The following CTNNA3 variants were observed in gnomAD, a reference collection of about 807,000 sequenced individuals.
CTNNA3 encodes catenin alpha-3.
In CTNNA3, 76 loss-of-function variants were observed where a neutral mutation model predicts 95.7. The ratio of observed to expected loss-of-function variants is 0.79; its 90% CI spans 0.66 to 0.96. CTNNA3 has a LOEUF of 0.96. CTNNA3 is among the 40% of genes least tolerant of loss of function. The pLI is 0.00. For synonymous variants in CTNNA3, 431 were observed against 374.4 expected (o/e 1.15, Z -1.74); for missense variants, 1,191 against 1,089.8 (o/e 1.09, Z -1.31).
In CTNNA3 at chr10:66,699,140, C is replaced by T. The variant is rs184313673; in HGVS notation, c.1281+67124G>A. Among the ~76,000 whole-genome samples the T allele has an allele frequency of 2.9e-3, 446 of 152,236 alleles. 5 individuals are homozygous for T. The highest frequency in any genetic ancestry group is 9.9e-3 in the African/African-American group (411 of 41,536). On this transcript the variant is annotated intron_variant, in intron 9 of 17. Transcript: ENST00000433211. ...ACTGGAACAGACATTTAGGTTGATT[C>T]CATATCTTGTATATTGTGGCTAAGG...
In CTNNA3 at chr10:67,459,253, T is replaced by C. The variant is rs190902181; in HGVS notation, c.579+62589A>G. Among the ~76,000 whole-genome samples the C allele has an allele frequency of 7.9e-5, 12 of 152,286 alleles. No homozygotes were observed. In the East Asian group the frequency reaches 2.1e-3, roughly 27 times the overall value. On this transcript the variant is annotated intron_variant, in intron 5 of 17. Coordinates refer to ENST00000433211, the MANE Select transcript of CTNNA3 (RefSeq NM_013266.4). ...AGTATGAGTGTAGAAGAAATGACAA[T>C]GATCTACAGTGCAACTTCTCATGTA... is the stretch of plus-strand genomic sequence containing the variant.
intron 9 of CTNNA3, among the ~76,000 whole-genome samples, chr10:66,724,252 T>C (rs967578965): frequency 6.6e-6 from 1 of 152,222 alleles, no homozygotes; most frequent in African/African-American, 2.4e-5. Flanking sequence ...TTCATGCTTT[T>C]TAATCAATTG....
At chr10:67,748,081 A>G (rs1016868751) in intron 1 of CTNNA3, among the ~76,000 whole-genome samples, 2 of 152,074 alleles carry the variant, frequency 1.3e-5, no homozygotes, top group African/African-American at 4.8e-5. Context: ...AACAAATAAA[A>G]CCTCTGAGAA....
chr10:66,042,229 G>A lies in CTNNA3; in HGVS notation c.2159+27079C>T, dbSNP rs374067152. Among the ~76,000 whole-genome samples, 3 of 152,062 alleles carry A rather than the reference G, an allele frequency of 2.0e-5. No individual in the cohort carries two copies. The South Asian group carries it at 6.2e-4, about 32-fold the overall frequency. ...CTCAACCCATTTCACATTCTCCAGGGCTTCTATAAAACTGCAGGTTTATTT... is the reference window on the plus strand; with the variant it reads ...CTCAACCCATTTCACATTCTCCAGGACTTCTATAAAACTGCAGGTTTATTT... On this transcript the variant is annotated intron_variant, in intron 15 of 17. Transcript: ENST00000433211.
chr10:67,108,942 T>TA (rs1292478560), intron 7 of CTNNA3, among the ~76,000 whole-genome samples: 24 of 152,186 alleles, frequency 1.6e-4, no homozygotes, highest in African/African-American at 5.8e-4. Flanking sequence ...CCATGATAAA[T>TA]AAAAAATATG....
intron 9 of CTNNA3, among the ~76,000 whole-genome samples, chr10:66,666,845 A>G (rs1263620791): frequency 6.6e-6 from 1 of 152,112 alleles, no homozygotes; most frequent in Non-Finnish European, 1.5e-5. Context: ...CATATAATGT[A>G]CATAAAGTAC....
intron 3 of CTNNA3, among the ~76,000 whole-genome samples, chr10:67,570,209 T>C (rs1019999214): frequency 3.3e-5 from 5 of 152,072 alleles, no homozygotes; most frequent in Admixed American, 6.6e-5. Context: ...TAGAATATTA[T>C]ATATGAAATT....
At chr10:66,200,426 G>A (rs897908504) in intron 13 of CTNNA3, among the ~76,000 whole-genome samples, 1 of 152,112 alleles carries the variant, frequency 6.6e-6, no homozygotes, top group African/African-American at 2.4e-5. Flanking sequence ...TTACCTGACC[G>A]CCAGTTCTTG....
intron 7 of CTNNA3, among the ~76,000 whole-genome samples, chr10:67,045,673 C>G (rs933712224): frequency 6.6e-6 from 1 of 152,160 alleles, no homozygotes; most frequent in African/African-American, 2.4e-5. Context: ...CTAGTCCTGG[C>G]GCGGGATGGG....
intron 1 of CTNNA3, among the ~76,000 whole-genome samples, chr10:67,733,656 T>C (rs1841288184): frequency 6.6e-6 from 1 of 152,212 alleles, no homozygotes; most frequent in African/African-American, 2.4e-5. Flanking sequence ...CCCTTGGAAA[T>C]GTCACTTACC....
At chr10:67,558,619 C>T (rs913502130) in intron 3 of CTNNA3, among the ~76,000 whole-genome samples, 4 of 152,160 alleles carry the variant, frequency 2.6e-5, no homozygotes, top group South Asian at 2.1e-4. Flanking sequence ...CTCACTAGGG[C>T]GTGCCAGACA....
intron 3 of CTNNA3, among the ~76,000 whole-genome samples, chr10:67,596,233 T>C (rs1372110910): frequency 6.6e-6 from 1 of 152,212 alleles, no homozygotes; most frequent in Non-Finnish European, 1.5e-5. Context: ...ATTGGATCTA[T>C]GTACTTAAGT....
chr10:67,089,707 G>T (rs1175532741), intron 7 of CTNNA3, among the ~76,000 whole-genome samples: 1 of 129,076 alleles, frequency 7.7e-6, no homozygotes, highest in Admixed American at 7.9e-5. Context: ...ATACATATGT[G>T]TATATACATA....
intron 7 of CTNNA3, among the ~76,000 whole-genome samples, chr10:67,082,153 G>A (rs1208322293): frequency 6.6e-6 from 1 of 152,038 alleles, no homozygotes; most frequent in Non-Finnish European, 1.5e-5. Flanking sequence ...AAAAAACAGA[G>A]AATTTTTATA....
At chr10:67,182,969 C>CAA (rs1206904702) in intron 6 of CTNNA3, among the ~76,000 whole-genome samples, 1 of 152,150 alleles carries the variant, frequency 6.6e-6, no homozygotes, top group Non-Finnish European at 1.5e-5. Context: ...CAGAGAAATG[C>CAA]AAATCAAAAC....
In CTNNA3 at chr10:66,360,662, C is replaced by CTTT. The variant is rs1564896285; in HGVS notation, c.1732+18489_1732+18490insAAA. Among the ~76,000 whole-genome samples, 73 of 26,824 alleles carry CTTT rather than the reference C, an allele frequency of 2.7e-3. 2 individuals carry two copies. The highest frequency in any genetic ancestry group is 0.023 in the Middle Eastern group (1 of 44). 17.6% of individuals were successfully genotyped at this position (26,824 alleles called of 152,430 possible). On this transcript the variant is annotated intron_variant, in intron 12 of 17. Transcript: ENST00000433211. ...TTCTTTCTTTCTTTCTTTCTTTCTT[C>CTTT]CTTCCTTCCTTCCTTCCTTCCTTCC...
intron 11 of CTNNA3, among the ~76,000 whole-genome samples, chr10:66,513,275 T>C (rs1008979569): frequency 6.6e-6 from 1 of 152,228 alleles, no homozygotes; most frequent in Non-Finnish European, 1.5e-5. Flanking sequence ...TCTTTTGCTT[T>C]ATCTAGTCTA....
intron 7 of CTNNA3, among the ~76,000 whole-genome samples, chr10:66,923,082 GTTAGTA>G (rs1846873208): frequency 6.6e-6 from 1 of 152,162 alleles, no homozygotes; most frequent in African/African-American, 2.4e-5. Flanking sequence ...ACCCTCAGTT[GTTAGTA>G]TTAAGACTAA....
intron 7 of CTNNA3, among the ~76,000 whole-genome samples, chr10:67,049,994 A>T (rs1157319101): frequency 6.6e-6 from 1 of 152,228 alleles, no homozygotes; most frequent in East Asian, 1.9e-4. Flanking sequence ...GTATTATTTA[A>T]TGCAGTATCC....
Sources: allele counts gnomAD v4.1 joint callset (sites outside exome capture counted in the v4.1 genomes callset), GRCh38; gene constraint gnomAD v4.1.1; transcripts MANE v1.5; gene names NCBI Gene and HGNC (gene_info 2026-07-23, HGNC 2026-07-21).